The following DLG2 variants were observed in gnomAD, a reference collection of about 807,000 sequenced individuals.
DLG2 encodes discs large MAGUK scaffold protein 2.
In DLG2, 45 loss-of-function variants were observed where a neutral mutation model predicts 132.5. The ratio of observed to expected loss-of-function variants is 0.34; its 90% CI spans 0.27 to 0.44. DLG2 has a LOEUF of 0.44. DLG2 is among the 20% of genes least tolerant of loss of function. The probability of loss-of-function intolerance (pLI) is 1.00; values close to 1 mark genes in which losing one functional copy is unlikely to be tolerated. For synonymous variants in DLG2, 424 were observed against 419.6 expected, an observed-to-expected ratio of 1.01 and a Z score of -0.13; for missense variants, 1,045 against 1,196.9, an observed-to-expected ratio of 0.87 and a Z score of 1.87.
At chr11:84,769,953 A>C (rs562789745) in intron 6 of DLG2, among the ~76,000 whole-genome samples, 1 of 152,352 alleles carries the variant, frequency 6.6e-6, no homozygotes, top group East Asian at 1.9e-4. Context: ...GAGTAACATT[A>C]TAAGAGATCT....
intron 18 of DLG2, among the ~76,000 whole-genome samples, chr11:83,653,731 A>AT (rs927665550): frequency 7.3e-4 from 109 of 149,706 alleles, no homozygotes; most frequent in Non-Finnish European, 1.2e-3. Flanking sequence ...TTAGATTTTT[A>AT]TTTTTTTTTT....
intron 7 of DLG2, among the ~76,000 whole-genome samples, chr11:84,361,209 T>C (rs1180286708): frequency 6.6e-6 from 1 of 151,868 alleles, no homozygotes; most frequent in Non-Finnish European, 1.5e-5. Flanking sequence ...TTTTCCACAT[T>C]TGATAACTAT....
At chr11:84,621,476 T>C (rs2099613878) in intron 6 of DLG2, among the ~76,000 whole-genome samples, 1 of 152,192 alleles carries the variant, frequency 6.6e-6, no homozygotes, top group African/African-American at 2.4e-5. Flanking sequence ...GATTCATGTT[T>C]TGGCCTGAAA....
At chr11:85,099,429 TC>T (rs1313743258) in intron 6 of DLG2, among the ~76,000 whole-genome samples, 1 of 152,200 alleles carries the variant, frequency 6.6e-6, no homozygotes, top group Non-Finnish European at 1.5e-5. Flanking sequence ...TAACAACATC[TC>T]TTTGTTATTT....
At chr11:84,987,089 C>T (rs984596221) in intron 6 of DLG2, among the ~76,000 whole-genome samples, 22 of 152,172 alleles carry the variant, frequency 1.4e-4, no homozygotes, top group African/African-American at 5.3e-4. Flanking sequence ...TTAATTTACA[C>T]ATATCAGTAG....
intron 9 of DLG2, among the ~76,000 whole-genome samples, chr11:84,137,100 T>G (rs1227773913): frequency 1.3e-5 from 2 of 152,240 alleles, no homozygotes; most frequent in East Asian, 1.9e-4. Context: ...ATGCAGTATG[T>G]CTTTGGCTAC....
intron 18 of DLG2, among the ~76,000 whole-genome samples, chr11:83,650,253 G>GATTAA (rs1311423178): frequency 6.6e-6 from 1 of 152,142 alleles, no homozygotes; most frequent in Non-Finnish European, 1.5e-5. Flanking sequence ...TTTTGAGATG[G>GATTAA]GGAGATTTTC....
intron 15 of DLG2, among the ~76,000 whole-genome samples, chr11:83,906,705 C>T (rs1211349670): frequency 2.0e-5 from 3 of 152,018 alleles, no homozygotes; most frequent in Non-Finnish European, 4.4e-5. Flanking sequence ...TGAATCTCAT[C>T]GAGGTTAAGA....
intron 16 of DLG2, among the ~76,000 whole-genome samples, chr11:83,836,162 C>T (rs981146235): frequency 3.9e-5 from 6 of 152,140 alleles, no homozygotes; most frequent in Admixed American, 2.6e-4. Context: ...CCTCTCAATG[C>T]TTTTTTATTC....
chr11:85,109,517 G>T (rs944628717), intron 6 of DLG2, among the ~76,000 whole-genome samples: 18 of 151,996 alleles, frequency 1.2e-4, no homozygotes, highest in Admixed American at 2.0e-4. Context: ...AACTCCAAGG[G>T]AATAATGAAA....
chr11:85,534,588 A>C (rs1402604287), intron 3 of DLG2, among the ~76,000 whole-genome samples: 1 of 152,200 alleles, frequency 6.6e-6, no homozygotes, highest in Admixed American at 6.5e-5. Context: ...ATAAATAAGA[A>C]CATGTGATAT....
At chr11:84,865,164 T>A (rs1269555853) in intron 6 of DLG2, among the ~76,000 whole-genome samples, 1 of 152,150 alleles carries the variant, frequency 6.6e-6, no homozygotes, top group Admixed American at 6.6e-5. Context: ...CAAACAGAGA[T>A]GATGGCCAGG....
At chr11:84,019,106 A>G (rs775326105) in intron 11 of DLG2, among the ~76,000 whole-genome samples, 1 of 152,134 alleles carries the variant, frequency 6.6e-6, no homozygotes, top group Non-Finnish European at 1.5e-5. Flanking sequence ...TATATAAAAT[A>G]ATACATTAAA....
intron 6 of DLG2, among the ~76,000 whole-genome samples, chr11:84,606,578 A>C (rs1173608287): frequency 2.0e-5 from 3 of 152,138 alleles, no homozygotes; most frequent in African/African-American, 7.2e-5. Context: ...AAAATTTTTA[A>C]AAATTAATTG....
In DLG2 at chr11:83,758,594, A is replaced by G. The variant is rs1367416793; in HGVS notation, c.1825+28096T>C. Among the ~76,000 whole-genome samples, 4 of 152,150 alleles carry G rather than the reference A, an allele frequency of 2.6e-5. No individual in the cohort carries two copies. In the East Asian group the frequency reaches 5.8e-4, roughly 22 times the overall value. On this transcript the variant is annotated intron_variant, in intron 18 of 27. Transcript: ENST00000376104. ...TAGAGTAGATTACTTAGTTTTGCCA[A>G]GTCTCAGTGTCCTAATGTGTACCAT...
intron 18 of DLG2, among the ~76,000 whole-genome samples, chr11:83,717,033 T>G (rs930890888): frequency 2.0e-5 from 3 of 152,186 alleles, no homozygotes; most frequent in Admixed American, 2.0e-4. Context: ...GGAACTTAAA[T>G]ATTTTGTAGT....
intron 6 of DLG2, among the ~76,000 whole-genome samples, chr11:84,711,009 G>GATATATATATATATATATATATAGAT (rs2060332685): frequency 6.7e-5 from 6 of 89,052 alleles, no homozygotes; most frequent in Non-Finnish European, 1.2e-4. Context: ...TATATATATA[G>GATATATATATATATATATATATAGAT]ATATATATAT....
chr11:84,650,865 G>GTATATATATATA lies in DLG2; in HGVS notation c.358-116135_358-116134insTATATATATATA, dbSNP rs1416161421. Among the ~76,000 whole-genome samples the GTATATATATATA allele has an allele frequency of 8.2e-4, 72 of 87,808 alleles. 1 individual carries two copies. Among genetic ancestry groups the GTATATATATATA allele is most frequent in the South Asian group, 1.5e-3 (3 of 2,066 alleles). The allele number at this position is 87,808 out of a possible 152,430, so 57.6% of individuals were successfully genotyped here. A position where few individuals can be genotyped will look rare whatever the true frequency, so the allele number is the denominator to read the frequency against. On this transcript the variant is annotated intron_variant, in intron 6 of 27. Coordinates refer to ENST00000376104, the MANE Select transcript of DLG2 (RefSeq NM_001142699.3). ...CTTTCCTGTATGTGTGTGTGTGTGT[G>GTATATATATATA]TGTGTGTGTATATATATATATATAT...
chr11:84,425,881 G>A (rs527356803), intron 7 of DLG2, among the ~76,000 whole-genome samples: 2 of 152,150 alleles, frequency 1.3e-5, no homozygotes, highest in South Asian at 4.1e-4. Flanking sequence ...TTCACAGCAG[G>A]AACATTCAAA....
Sources: allele counts gnomAD v4.1 joint callset (sites outside exome capture counted in the v4.1 genomes callset), GRCh38; gene constraint gnomAD v4.1.1; transcripts MANE v1.5; gene names NCBI Gene and HGNC (gene_info 2026-07-23, HGNC 2026-07-21).